Variants in CTPS2 observed in about 807,000 individuals in gnomAD.
CTPS2 encodes CTP synthase II.
In CTPS2, 19 loss-of-function variants were observed where a neutral mutation model predicts 46.8. The ratio of observed to expected loss-of-function variants is 0.41; its 90% CI spans 0.28 to 0.60. The LOEUF (loss-of-function observed/expected upper bound fraction) is 0.60, where lower values mean the gene tolerates loss of function less well. Ranked by LOEUF, CTPS2 falls within the 20% of genes least tolerant of loss-of-function variation. CTPS2 has a pLI of 0.35. For missense variants in CTPS2, 286 were observed against 447.6 expected, an observed-to-expected ratio of 0.64 and a Z score of 3.26; for synonymous variants, 151 against 165.2, an observed-to-expected ratio of 0.91 and a Z score of 0.66.
chrX:16,689,117 C>CA (rs201467686), intron 8 of CTPS2, among the ~76,000 whole-genome samples: 7 of 110,239 alleles, frequency 6.3e-5, no homozygotes, highest in Admixed American at 9.8e-5. Flanking sequence ...AGAAAACAAA[C>CA]AAAAAAAAAT....
chrX:16,706,888 C>T (rs191408865), intron 1 of CTPS2, among the ~76,000 whole-genome samples: 1 of 106,288 alleles, frequency 9.4e-6, no homozygotes, highest in African/African-American at 3.4e-5. Flanking sequence ...AACAAACAAA[C>T]AAAAATTAGC....
intron 8 of CTPS2, among the ~76,000 whole-genome samples, chrX:16,688,315 G>C (rs1923410607): frequency 9.0e-6 from 1 of 110,664 alleles, no homozygotes. Flanking sequence ...CAGGAGAATG[G>C]CGTGAACCCA....
At chrX:16,598,849 G>A (rs1929461075) in intron 17 of CTPS2, among the ~76,000 whole-genome samples, 1 of 111,474 alleles carries the variant, frequency 9.0e-6, no homozygotes, top group Non-Finnish European at 1.9e-5. Context: ...ACATCAAAAA[G>A]CTTATCCACC....
rs182421217 is a variant in CTPS2, at chrX:16,592,673, C to T, written c.1692-1811G>A. 1.1e-3 allele frequency among the ~76,000 whole-genome samples: 128 copies of T among 111,910 alleles called. No individual in the cohort carries two copies. In the East Asian group the frequency reaches 0.019, roughly 16 times the overall value. ...TGCAGTGACATAAAAAATGTTAACGCACTCTCTACACTTGCCTTGAAATGT... is the reference window on the plus strand; with the variant it reads ...TGCAGTGACATAAAAAATGTTAACGTACTCTCTACACTTGCCTTGAAATGT... On this transcript the variant is annotated intron_variant, in intron 17 of 18. Transcript: ENST00000359276.
chrX:16,659,660 A>G (rs1017029281), intron 13 of CTPS2, among the ~76,000 whole-genome samples: 2 of 111,372 alleles, frequency 1.8e-5, no homozygotes, highest in Admixed American at 1.9e-4. Context: ...AAGGTGTACA[A>G]CAAGATGTTT....
intron 1 of CTPS2, among the ~76,000 whole-genome samples, chrX:16,707,351 C>T (rs1035185612): frequency 9.0e-6 from 1 of 111,311 alleles, no homozygotes; most frequent in Non-Finnish European, 1.9e-5. Flanking sequence ...TGAGTAAGAC[C>T]ACAATATAAA....
chrX:16,591,637 C>T (rs1357765127), intron 17 of CTPS2, among the ~76,000 whole-genome samples: 1 of 111,082 alleles, frequency 9.0e-6, no homozygotes, highest in Admixed American at 9.6e-5. Context: ...CCATAACAGC[C>T]CCCACATATA....
intron 1 of CTPS2, among the ~76,000 whole-genome samples, chrX:16,707,226 A>G (rs189574081): frequency 5.1e-4 from 57 of 111,168 alleles, no homozygotes; most frequent in African/African-American, 1.8e-3. Context: ...TTTGAGTACT[A>G]TTGTTTTTCC....
chrX:16,699,289 C>T lies in CTPS2; in HGVS notation c.167-196G>A, dbSNP rs184364019. ...ATCAGAAAATTCTATTTATAATATT[C>T]TATTGTGGTTTTTTTTTAATCTACT... is the stretch of plus-strand genomic sequence containing the variant. On this transcript the variant is annotated intron_variant, in intron 2 of 18. Coordinates refer to ENST00000359276, the MANE Select transcript of CTPS2 (RefSeq NM_175859.3). Among the ~76,000 whole-genome samples the T allele has an allele frequency of 7.5e-3, 838 of 111,431 alleles. 3 individuals are homozygous for T. The highest frequency in any genetic ancestry group is 0.019 in the Middle Eastern group (4 of 215).
At chrX:16,621,137 G>T (rs905638954) in intron 14 of CTPS2, among the ~76,000 whole-genome samples, 23 of 110,066 alleles carry the variant, frequency 2.1e-4, no homozygotes, top group Middle Eastern at 4.2e-3. Context: ...CGTAGCTGAG[G>T]CACTGCAGCT....
intron 13 of CTPS2, 142 bp from the exon 14 acceptor site, chrX:16,639,385 G>A: frequency 2.0e-6 from 1 of 512,327 alleles, no homozygotes; most frequent in Admixed American, 2.8e-5. Flanking sequence ...CAACGATCAT[G>A]TTCAAATACA....
At chrX:16,687,947 G>C (rs1041952454) in intron 8 of CTPS2, among the ~76,000 whole-genome samples, 2 of 110,632 alleles carry the variant, frequency 1.8e-5, no homozygotes, top group Non-Finnish European at 3.8e-5. Context: ...ATATACAGAA[G>C]GGAAAAAAAG....
intron 16 of CTPS2, among the ~76,000 whole-genome samples, chrX:16,615,526 A>G (rs1212388393): frequency 9.0e-6 from 1 of 111,296 alleles, no homozygotes; most frequent in Non-Finnish European, 1.9e-5. Flanking sequence ...TAAATAAATT[A>G]TCTGACCTAC....
intron 3 of CTPS2, 37 bp from the exon 4 acceptor site, chrX:16,698,373 T>C: frequency 3.1e-6 from 3 of 980,364 alleles, no homozygotes; most frequent in East Asian, 3.1e-5. Context: ...GTTTATTCCA[T>C]GCTCATGAGA....
At chrX:16,654,294 G>A in intron 13 of CTPS2, 1 of 464,454 alleles carries the variant, frequency 2.2e-6, no homozygotes, top group Non-Finnish European at 3.7e-6. Flanking sequence ...GGAAACCTGA[G>A]CTGCCTTCTT....
At chrX:16,657,189 CTTT>C (rs770294993) in intron 13 of CTPS2, among the ~76,000 whole-genome samples, 2 of 84,613 alleles carry the variant, frequency 2.4e-5, no homozygotes, top group Non-Finnish European at 2.3e-5. Context: ...CATGCCCGGC[CTTT>C]TTTTTTTTTT....
chrX:16,601,226 T>C (rs1305101264), intron 17 of CTPS2, among the ~76,000 whole-genome samples: 3 of 111,135 alleles, frequency 2.7e-5, no homozygotes, highest in Non-Finnish European at 3.8e-5. Context: ...AAGAGTACCT[T>C]GCTCTCCAAG....
Position 16,684,195 on chromosome X carries a change from A to C in CTPS2, c.873-969T>G, listed in dbSNP as rs772102398. Among the ~76,000 whole-genome samples the C allele has an allele frequency of 1.1e-4, 12 of 111,290 alleles. No homozygotes were observed. In the South Asian group the frequency reaches 4.6e-3, roughly 42 times the overall value. On this transcript the variant is annotated intron_variant, in intron 8 of 18. Transcript: ENST00000359276. The stretch of plus-strand genomic sequence containing the variant: ...GAAAAATGTTACCATGATGACGAAT[A>C]TCTCTCTTGAATATCAACATCTGCA...
At chrX:16,658,968 A>G in intron 13 of CTPS2, among the ~76,000 whole-genome samples, 2 of 112,353 alleles carry the variant, frequency 1.8e-5, no homozygotes, top group Middle Eastern at 9.2e-3. Context: ...AATTCCCAGG[A>G]TAAACACACT....
Sources: allele counts gnomAD v4.1 joint callset (sites outside exome capture counted in the v4.1 genomes callset), GRCh38; gene constraint gnomAD v4.1.1; transcripts MANE v1.5; gene names NCBI Gene and HGNC (gene_info 2026-07-23, HGNC 2026-07-21).